Variants in MTIF2 observed in about 807,000 individuals in gnomAD.
MTIF2 encodes the protein mitochondrial translational initiation factor 2, also known as translation initiation factor IF-2, mitochondrial.
In MTIF2, 71 loss-of-function variants were observed where a neutral mutation model predicts 83.5. The observed-to-expected ratio is 0.85, with a 90% CI of 0.70 to 1.04. The LOEUF (loss-of-function observed/expected upper bound fraction) is 1.04. Ranked by LOEUF, MTIF2 falls within the 50% of genes least tolerant of loss-of-function variation. MTIF2 has a pLI of 0.00. For missense variants in MTIF2, 957 were observed against 846.5 expected, an observed-to-expected ratio of 1.13 and a Z score of -1.62; for synonymous variants, 319 against 287.1, an observed-to-expected ratio of 1.11 and a Z score of -1.12.
chr2:55,268,083 T>C (rs1678570035), intron 2 of MTIF2, among the ~76,000 whole-genome samples: 1 of 151,964 alleles, frequency 6.6e-6, no homozygotes, highest in African/African-American at 2.4e-5. Flanking sequence ...TGAAACCCCC[T>C]CTCTACTAAA....
chr2:55,238,863 C>G (rs539490665), intron 14 of MTIF2, among the ~76,000 whole-genome samples: 1 of 152,306 alleles, frequency 6.6e-6, no homozygotes, highest in South Asian at 2.1e-4. Flanking sequence ...CCACATTGCT[C>G]TTAGCACAAG....
intron 3 of MTIF2, among the ~76,000 whole-genome samples, chr2:55,265,753 T>G (rs1013704762): frequency 2.0e-5 from 3 of 152,202 alleles, no homozygotes; most frequent in African/African-American, 7.2e-5. Flanking sequence ...AAGAATACAT[T>G]GTGAATATTA....
At position 55,236,683 on chromosome 2, in the gene MTIF2, T is replaced by C; in HGVS notation, c.2149A>G (p.Ile717Val). 6.3e-7 allele frequency: 1 copy of C among 1,599,230 alleles called. No individual in the cohort carries two copies. Among genetic ancestry groups the C allele is most frequent in the Non-Finnish European group, 8.5e-7 (1 of 1,176,224 alleles). ...GGATCCCAAGAAGTCTTGGCTTGAA[T>C]TTGCTTTTCTTCATAACAAACAATT... ...DRIVCYEEKQ[I>V]QAKTSWDPGF Residue 717 changes from isoleucine to valine, a missense_variant, in exon 16 of 16, where the codon ATT becomes GTT. Around this residue, in one of 3 missense-constraint regions of MTIF2, gnomAD observed 221 missense variants for 180.6 expected, o/e 1.22. Transcript: ENST00000263629.
chr2:55,264,224 A>G (rs1678255992), intron 3 of MTIF2, among the ~76,000 whole-genome samples: 1 of 152,138 alleles, frequency 6.6e-6, no homozygotes, highest in African/African-American at 2.4e-5. Context: ...TCTGTTAAAC[A>G]CCCTGAAACT....
At chr2:55,255,557 T>C (rs1449294032) in intron 5 of MTIF2, among the ~76,000 whole-genome samples, 1 of 150,172 alleles carries the variant, frequency 6.7e-6, no homozygotes. Context: ...CTATAACTCA[T>C]GCCAGAACAA....
At chr2:55,237,486 A>T (rs543493268) in intron 14 of MTIF2, 58 bp from the exon 15 acceptor site, 77 of 1,494,656 alleles carry the variant, frequency 5.2e-5, no homozygotes, top group Non-Finnish European at 6.0e-5. Flanking sequence ...TAAATACGTA[A>T]TTTCTGACAT....
In MTIF2 at chr2:55,254,751, C is replaced by T; in HGVS notation, c.406G>A (p.Val136Ile). 1.9e-6 allele frequency: 3 copies of T among 1,610,798 alleles called. No homozygotes were observed. The highest frequency in any genetic ancestry group is 2.2e-5 in the East Asian group (1 of 44,576). ...SLEADSHLDEVWIKEVITKAG... is the reference protein window; with the variant it reads ...SLEADSHLDEIWIKEVITKAG... The stretch of plus-strand genomic sequence containing the variant: ...TTCGTTATCACTTCTTTGATCCAGA[C>T]TTCATCTAAATGTGAGTCTGCTTCC... Residue 136 changes from valine (V) to isoleucine (I), a missense_variant, in exon 6 of 16, where the codon GTC becomes ATC. Val to Ile is a conservative substitution (Grantham distance 29). Coordinates refer to ENST00000263629, the MANE Select transcript of MTIF2 (RefSeq NM_002453.3).
rs1382914869 is a variant in MTIF2, at chr2:55,237,516, AG to A, written c.1871-89del. The A allele has an allele frequency of 3.8e-5, 50 of 1,299,224 alleles. No individual in the cohort carries two copies. In the East Asian group the frequency reaches 1.3e-3, roughly 34 times the overall value. 80.5% of individuals were successfully genotyped at this position (1,299,224 alleles called of 1,614,324 possible). ...TGACATTCTGTGGTATAAGAATTAA[AG>A]GTATGACAAAAATCCAAATTCATGC... On this transcript the variant is annotated intron_variant, in intron 14 of 15. Coordinates refer to ENST00000263629, the MANE Select transcript of MTIF2 (RefSeq NM_002453.3).
At chr2:55,238,005 A>G (rs147575966) in intron 14 of MTIF2, among the ~76,000 whole-genome samples, 95 of 151,668 alleles carry the variant, frequency 6.3e-4, no homozygotes, top group African/African-American at 2.2e-3. Flanking sequence ...CTTTCCTTCA[A>G]TATATTTTCT....
chr2:55,258,246 G>C (rs1052427115), intron 5 of MTIF2, among the ~76,000 whole-genome samples: 1 of 152,134 alleles, frequency 6.6e-6, no homozygotes, highest in African/African-American at 2.4e-5. Flanking sequence ...CCACAATAAT[G>C]CCAAGAAACG....
At chr2:55,244,449 G>C (rs979770075) in intron 10 of MTIF2, among the ~76,000 whole-genome samples, 1 of 152,138 alleles carries the variant, frequency 6.6e-6, no homozygotes, top group African/African-American at 2.4e-5. Context: ...AAGGCAAGAG[G>C]ATCACCTGAG....
chr2:55,245,695 A>G (rs1018433043), intron 10 of MTIF2, among the ~76,000 whole-genome samples: 2 of 152,186 alleles, frequency 1.3e-5, no homozygotes, highest in Admixed American at 1.3e-4. Flanking sequence ...ACTGAACTGT[A>G]TATTTAAATA....
chr2:55,255,414 TTA>T (rs1375695969), intron 5 of MTIF2, among the ~76,000 whole-genome samples: 1 of 144,882 alleles, frequency 6.9e-6, no homozygotes, highest in African/African-American at 2.5e-5. Flanking sequence ...TAATATATAT[TTA>T]TATATCTCAA....
At chr2:55,263,534 C>T (rs1451887421) in intron 4 of MTIF2, 106 bp downstream of exon 4, 4 of 820,890 alleles carry the variant, frequency 4.9e-6, no homozygotes, top group Admixed American at 2.8e-5. Context: ...TGCTTAAACC[C>T]AAGAGGCGTA....
chr2:55,264,639 C>T (rs551975051), intron 3 of MTIF2, among the ~76,000 whole-genome samples: 8 of 152,280 alleles, frequency 5.3e-5, no homozygotes, highest in Non-Finnish European at 1.0e-4. Context: ...AGCTCTGAAA[C>T]TTTGCACACA....
intron 7 of MTIF2, among the ~76,000 whole-genome samples, chr2:55,253,175 T>A (rs890498143): frequency 8.5e-5 from 13 of 152,212 alleles, no homozygotes; most frequent in African/African-American, 3.1e-4. Flanking sequence ...AATACCTACC[T>A]TATGATGTTG....
At chr2:55,262,473 TAA>T (rs1391458118) in intron 4 of MTIF2, 46 bp from the exon 5 acceptor site, 2 of 1,221,362 alleles carry the variant, frequency 1.6e-6, no homozygotes, top group Non-Finnish European at 2.4e-6. Flanking sequence ...AGAAAAAACT[TAA>T]GTGACAATTT....
rs1381547786 is a variant in MTIF2, at chr2:55,246,443, A to G, written c.1000T>C (p.Leu334=). 6.2e-7 allele frequency: 1 copy of G among 1,613,824 alleles called. No individual in the cohort carries two copies. Residue 334 remains leucine (L), a synonymous_variant, in exon 10 of 16, where the codon TTG becomes CTG. Coordinates refer to ENST00000263629, the MANE Select transcript of MTIF2 (RefSeq NM_002453.3). ...SALTGDNLMA[L]AEATVALAEM... Reference sequence around the variant, plus strand: ...GCAAGAGCAACTGTTGCTTCTGCCAAAGCCATCAGATTATCGCCCTTTAAC... The same window carrying G: ...GCAAGAGCAACTGTTGCTTCTGCCAGAGCCATCAGATTATCGCCCTTTAAC...
intron 6 of MTIF2, 133 bp from the exon 7 acceptor site, chr2:55,254,334 T>G: frequency 1.0e-6 from 1 of 957,064 alleles, no homozygotes; most frequent in Non-Finnish European, 1.4e-6. Context: ...TTAGACCTAT[T>G]TCCCCCTCCT....
Sources: gnomAD v4.1 joint callset for allele counts (sites outside exome capture counted in the v4.1 genomes callset) on GRCh38, gnomAD v4.1.1 for gene constraint, gnomAD v4.1.1 regional missense constraint, MANE v1.5 for transcripts, NCBI Gene and HGNC (gene_info 2026-07-23, HGNC 2026-07-21) for gene names.